Variants in ICA1 observed in about 807,000 individuals in gnomAD.
The protein encoded by ICA1 is islet cell autoantigen 1.
Under a neutral mutation model 71.0 loss-of-function variants are expected in ICA1, and 40 were observed. The ratio of observed to expected loss-of-function variants is 0.56; its 90% CI spans 0.44 to 0.73. ICA1 has a LOEUF of 0.73. Among genes scored for constraint, ICA1 ranks in the 30% least tolerant of loss-of-function variants. The pLI, the probability that ICA1 is intolerant of heterozygous loss-of-function variation, is 0.00. For missense variants in ICA1, 578 were observed against 576.5 expected (o/e 1.00, Z -0.03); for synonymous variants, 207 against 209.5 (o/e 0.99, Z 0.10).
chr7:8,117,979 G>A (rs1010893891), intron 13 of ICA1, among the ~76,000 whole-genome samples: 1 of 152,188 alleles, frequency 6.6e-6, no homozygotes, highest in Non-Finnish European at 1.5e-5. Context: ...CAGGGACAAT[G>A]TATTATTCAT....
intron 12 of ICA1, among the ~76,000 whole-genome samples, chr7:8,129,642 T>A (rs1340043420): frequency 6.6e-6 from 1 of 152,228 alleles, no homozygotes; most frequent in Non-Finnish European, 1.5e-5. Flanking sequence ...GTAGGTGTTG[T>A]GGGTGAGAAG....
chr7:8,205,083 A>G (rs1791042837), intron 6 of ICA1, among the ~76,000 whole-genome samples: 1 of 151,112 alleles, frequency 6.6e-6, no homozygotes, highest in African/African-American at 2.4e-5. Flanking sequence ...ACATGCAAAA[A>G]AAAAAAAAAA....
At chr7:8,142,030 T>C (rs1027042725) in intron 9 of ICA1, 2 of 1,466,264 alleles carry the variant, frequency 1.4e-6, no homozygotes, top group Non-Finnish European at 1.8e-6. Context: ...TTTGCTTTCA[T>C]CTCGAGGCAA....
intron 1 of ICA1, among the ~76,000 whole-genome samples, chr7:8,236,296 C>T (rs1801821780): frequency 6.6e-6 from 1 of 152,044 alleles, no homozygotes; most frequent in Non-Finnish European, 1.5e-5. Flanking sequence ...ATATGTAAAA[C>T]AATACTATAT....
In ICA1 at chr7:8,133,257, C is replaced by T. The variant is rs112445267; in HGVS notation, c.1061-5115G>A. Among the ~76,000 whole-genome samples, 344 of 152,224 alleles carry T rather than the reference C, an allele frequency of 2.3e-3. 1 individual carries two copies. Among genetic ancestry groups the T allele is most frequent in the African/African-American group, 7.8e-3 (323 of 41,540 alleles). On this transcript the variant is annotated intron_variant, in intron 12 of 13. Transcript: ENST00000402384. Reference sequence around the variant, plus strand: ...GTCCCCTCAGAATTGGACATTTTAGCCCCTATAACTCTAAGAAATAAATTC... The same window carrying T: ...GTCCCCTCAGAATTGGACATTTTAGTCCCTATAACTCTAAGAAATAAATTC...
At position 8,127,898 on chromosome 7, in the gene ICA1, C is replaced by A. The variant is rs376906328; in HGVS notation, c.1305G>T (p.Met435Ile). The A allele has an allele frequency of 6.2e-7, 1 of 1,614,104 alleles. No homozygotes were observed. The highest frequency in any genetic ancestry group is 8.5e-7 in the Non-Finnish European group (1 of 1,179,992). Residue 435 changes from methionine (M) to isoleucine (I), a missense_variant, in exon 13 of 14, where the codon ATG becomes ATT. By Grantham distance (10) the Met-to-Ile change is conservative. Coordinates refer to ENST00000402384, the MANE Select transcript of ICA1 (RefSeq NM_001136020.3). ...FLPSQLLDQN[M>I]KDLQASLQEP... ...CTTGTAGCGAGGCCTGTAAGTCTTTCATATTTTGGTCTAAAAGCTGCGAAG... is the reference window on the plus strand; with the variant it reads ...CTTGTAGCGAGGCCTGTAAGTCTTTAATATTTTGGTCTAAAAGCTGCGAAG...
chr7:8,227,826 T>A (rs1321699050), intron 4 of ICA1: 1 of 446,050 alleles, frequency 2.2e-6, no homozygotes, highest in Non-Finnish European at 4.6e-6. Flanking sequence ...CTCCAAGTGA[T>A]CCTCCTGCCT....
intron 6 of ICA1, among the ~76,000 whole-genome samples, chr7:8,210,720 T>C (rs1173767430): frequency 6.6e-6 from 1 of 152,076 alleles, no homozygotes; most frequent in Non-Finnish European, 1.5e-5. Flanking sequence ...TTTTTTTTAA[T>C]GTTTTATTTT....
intron 1 of ICA1, among the ~76,000 whole-genome samples, chr7:8,258,234 G>T (rs938363442): frequency 6.6e-6 from 1 of 152,180 alleles, no homozygotes; most frequent in Admixed American, 6.5e-5. Context: ...GCATGGTGGG[G>T]TCTGAGTCTT....
At chr7:8,219,894 T>C (rs560603830) in intron 5 of ICA1, among the ~76,000 whole-genome samples, 37 of 152,330 alleles carry the variant, frequency 2.4e-4, no homozygotes, top group Non-Finnish European at 4.7e-4. Context: ...CTGAAGTTAG[T>C]GATAATTATA....
At chr7:8,207,386 T>A (rs2128358225) in intron 6 of ICA1, among the ~76,000 whole-genome samples, 1 of 152,272 alleles carries the variant, frequency 6.6e-6, no homozygotes, top group South Asian at 2.1e-4. Context: ...CATGTAAAAT[T>A]GGCCCATTTA....
intron 1 of ICA1, among the ~76,000 whole-genome samples, chr7:8,242,620 C>G (rs563093209): frequency 6.6e-6 from 1 of 152,214 alleles, no homozygotes; most frequent in East Asian, 1.9e-4. Context: ...ATCAATGAAT[C>G]CAGGAGCTGG....
intron 9 of ICA1, among the ~76,000 whole-genome samples, chr7:8,143,656 T>C (rs962692051): frequency 1.3e-5 from 2 of 152,188 alleles, no homozygotes; most frequent in African/African-American, 4.8e-5. Flanking sequence ...TGTGCCCTTC[T>C]AAGTCCCCTG....
At chr7:8,244,801 T>C (rs902317534) in intron 1 of ICA1, among the ~76,000 whole-genome samples, 7 of 152,042 alleles carry the variant, frequency 4.6e-5, no homozygotes, top group African/African-American at 1.7e-4. Flanking sequence ...AACAGACACA[T>C]GAAAAAATGC....
chr7:8,137,452 T>C (rs3823837), intron 12 of ICA1, among the ~76,000 whole-genome samples: 15,248 of 152,256 alleles, frequency 0.1, 1,047 homozygotes, highest in Non-Finnish European at 0.16. Context: ...AGGTTTGTTC[T>C]ATTATTGTCT....
At chr7:8,244,743 G>A (rs185796212) in intron 1 of ICA1, among the ~76,000 whole-genome samples, 1 of 152,162 alleles carries the variant, frequency 6.6e-6, no homozygotes, top group African/African-American at 2.4e-5. Context: ...CAAAAAGTGG[G>A]CAAAGGATAT....
rs988314953 is a variant in ICA1 at position 8,234,040 on chromosome 7, T to A, written c.18-1285A>T. On this transcript the variant is annotated intron_variant, in intron 2 of 13. Transcript: ENST00000402384. This position sits in a 1 kb window ranked among gnomAD's most constrained non-coding sequence, Gnocchi z 4.5. ...GAGTTTCAGATCAGCCTGGGCAACA[T>A]AGTAAAACCCCATCTCTACAAATAA... Among the ~76,000 whole-genome samples the A allele has an allele frequency of 1.4e-4, 21 of 151,964 alleles. No individual in the cohort carries two copies. The highest frequency in any genetic ancestry group is 4.4e-4 in the African/African-American group (18 of 41,360).
At chr7:8,141,841 T>C (rs753155737) in intron 9 of ICA1, 24 bp from the exon 10 acceptor site, 2 of 1,491,624 alleles carry the variant, frequency 1.3e-6, no homozygotes, top group South Asian at 1.2e-5. Flanking sequence ...AGAGGTTTAG[T>C]CATCAACTTC....
intron 6 of ICA1, 32 bp downstream of exon 6, chr7:8,218,273 C>A (rs770990981): frequency 6.3e-7 from 1 of 1,583,008 alleles, no homozygotes; most frequent in Middle Eastern, 1.7e-4. Flanking sequence ...CCAGCAGGTA[C>A]CCCTTCTGCT....
Sources: gnomAD v4.1 joint callset for allele counts (sites outside exome capture counted in the v4.1 genomes callset) on GRCh38, gnomAD v4.1.1 for gene constraint, Gnocchi (gnomAD v3.1) non-coding constraint, MANE v1.5 for transcripts, NCBI Gene and HGNC (gene_info 2026-07-23, HGNC 2026-07-21) for gene names.